The following PRMT3 variants were observed in gnomAD, a reference collection of about 807,000 sequenced individuals.
PRMT3 encodes the protein protein arginine methyltransferase 3, also known as protein arginine N-methyltransferase 3.
PRMT3 carries 62 observed loss-of-function variants against 71.9 expected under a neutral mutation model. The ratio of observed to expected loss-of-function variants is 0.86; its 90% CI spans 0.70 to 1.07. PRMT3 has a LOEUF of 1.07. Ranked by LOEUF, PRMT3 falls within the 50% of genes least tolerant of loss-of-function variation. The probability of loss-of-function intolerance (pLI) is 0.00; values close to 1 mark genes in which losing one functional copy is unlikely to be tolerated. For synonymous variants in PRMT3, 213 were observed against 220.4 expected, an observed-to-expected ratio of 0.97 and a Z score of 0.30; for missense variants, 663 against 643.0, an observed-to-expected ratio of 1.03 and a Z score of -0.34.
At chr11:20,492,437 G>A (rs1278658108) in intron 13 of PRMT3, among the ~76,000 whole-genome samples, 1 of 152,074 alleles carries the variant, frequency 6.6e-6, no homozygotes. Flanking sequence ...ATTATTACTA[G>A]TATTTTGATT....
At chr11:20,403,777 C>A (rs576227852) in intron 8 of PRMT3, among the ~76,000 whole-genome samples, 1 of 152,196 alleles carries the variant, frequency 6.6e-6, no homozygotes, top group Non-Finnish European at 1.5e-5. Flanking sequence ...TTTTCCCACT[C>A]TTTTTACTTT....
intron 10 of PRMT3, among the ~76,000 whole-genome samples, chr11:20,431,703 T>C (rs1050965225): frequency 3.9e-5 from 6 of 152,122 alleles, no homozygotes; most frequent in Non-Finnish European, 8.8e-5. Context: ...AGTATGAAAG[T>C]AAGCTGATGG....
At chr11:20,404,653 G>C (rs1489474091) in intron 8 of PRMT3, among the ~76,000 whole-genome samples, 1 of 152,094 alleles carries the variant, frequency 6.6e-6, no homozygotes, top group African/African-American at 2.4e-5. Context: ...TATATTTCTA[G>C]TTGGATGATG....
chr11:20,426,925 A>T (rs988530610), intron 10 of PRMT3, 60 bp downstream of exon 10: 22 of 1,457,132 alleles, frequency 1.5e-5, no homozygotes, highest in Non-Finnish European at 1.8e-5. Flanking sequence ...TTTTAAAGTA[A>T]TAGTTTTCAT....
chr11:20,428,062 A>G (rs1416267278), intron 10 of PRMT3, among the ~76,000 whole-genome samples: 1 of 152,010 alleles, frequency 6.6e-6, no homozygotes, highest in African/African-American at 2.4e-5. Context: ...GACAGTTACT[A>G]TTTTGTATGT....
intron 9 of PRMT3, among the ~76,000 whole-genome samples, chr11:20,426,345 G>T (rs1849545237): frequency 6.6e-6 from 1 of 152,194 alleles, no homozygotes; most frequent in Admixed American, 6.5e-5. Flanking sequence ...GCTGACAAAT[G>T]CTAGAGAATC....
chr11:20,432,033 G>A (rs1409664649), intron 10 of PRMT3, among the ~76,000 whole-genome samples: 1 of 152,008 alleles, frequency 6.6e-6, no homozygotes, highest in Non-Finnish European at 1.5e-5. Flanking sequence ...GAATAGAAAT[G>A]TAATAGGTCC....
chr11:20,457,919 A>G (rs1014397633), intron 11 of PRMT3, among the ~76,000 whole-genome samples: 3 of 152,310 alleles, frequency 2.0e-5, no homozygotes, highest in African/African-American at 7.2e-5. Context: ...AATTTTTCAA[A>G]GCATATTACA....
chr11:20,402,896 G>A (rs1324183587), intron 7 of PRMT3, 23 bp from the exon 8 acceptor site: 4 of 1,579,302 alleles, frequency 2.5e-6, no homozygotes, highest in South Asian at 2.2e-5. Context: ...TATAAACACA[G>A]CGTTTTCCTC....
chr11:20,496,569 A>G (rs1454647104), intron 15 of PRMT3, among the ~76,000 whole-genome samples: 2 of 144,390 alleles, frequency 1.4e-5, no homozygotes, highest in Non-Finnish European at 3.0e-5. Context: ...GCTCAGATTC[A>G]GCATAGTGGT....
chr11:20,440,503 AAAAAAAAG>A (rs1184287237), intron 10 of PRMT3, among the ~76,000 whole-genome samples: 1 of 144,504 alleles, frequency 6.9e-6, no homozygotes, highest in African/African-American at 2.6e-5. Flanking sequence ...AAAAAAAAAA[AAAAAAAAG>A]AGAAAATAAA....
intron 13 of PRMT3, among the ~76,000 whole-genome samples, chr11:20,491,460 T>C (rs1851204472): frequency 6.6e-6 from 1 of 152,186 alleles, no homozygotes; most frequent in African/African-American, 2.4e-5. Flanking sequence ...TTAAGGATGT[T>C]GATGTTTGTT....
chr11:20,395,949 C>A lies in PRMT3; in HGVS notation c.547C>A (p.Leu183Met), dbSNP rs758280598. ...EAALARARED[L>M]QKMKQFAQDF... ...CGCATTGGCCAGAGCACGTGAGGAT[C>A]TGCAAAAAATGAAGTAATTTATCAA... The change falls in exon 6 of 16, where the codon CTG becomes ATG. Residue 183 changes from leucine to methionine, a missense_variant. Transcript: ENST00000331079. 5 of 1,607,732 alleles carry A rather than the reference C, an allele frequency of 3.1e-6. No individual in the cohort carries two copies. Among genetic ancestry groups the A allele is most frequent in the Admixed American group, 1.7e-5 (1 of 58,148 alleles).
intron 5 of PRMT3, among the ~76,000 whole-genome samples, chr11:20,394,820 G>A (rs552699849): frequency 3.3e-5 from 5 of 152,116 alleles, no homozygotes; most frequent in African/African-American, 1.2e-4. Flanking sequence ...AGATCACACA[G>A]TATTTGTCTG....
chr11:20,418,042 G>T lies in PRMT3; in HGVS notation c.894-8724G>T, dbSNP rs138877136. Among the ~76,000 whole-genome samples the T allele has an allele frequency of 2.6e-4, 39 of 152,178 alleles. No individual in the cohort carries two copies. In the East Asian group the frequency reaches 7.1e-3, roughly 28 times the overall value. Reference sequence around the variant, plus strand: ...GATAATTAATCATGATGATGTCCCTGTATCATGAAGTGAAAGTTAAATTGC... The same window carrying T: ...GATAATTAATCATGATGATGTCCCTTTATCATGAAGTGAAAGTTAAATTGC... On this transcript the variant is annotated intron_variant, in intron 9 of 15. Transcript: ENST00000331079.
rs538780552 is a variant in PRMT3 at position 20,399,390 on chromosome 11, T to C, written c.705+1669T>C. ...CATTACTAATTGCATGTCATGGTTG[T>C]GCTTTTTGTTGTCACGTAGGTAATG... On this transcript the variant is annotated intron_variant, in intron 7 of 15. Transcript: ENST00000331079. Among the ~76,000 whole-genome samples the C allele has an allele frequency of 1.5e-3, 234 of 152,320 alleles. 1 individual carries two copies. The highest frequency in any genetic ancestry group is 5.4e-3 in the African/African-American group (225 of 41,596).
chr11:20,404,237 T>TGTTTTGTTTTGTTTG (rs1849020847), intron 8 of PRMT3, among the ~76,000 whole-genome samples: 1 of 117,076 alleles, frequency 8.5e-6, no homozygotes, highest in Non-Finnish European at 1.8e-5. Context: ...TTTTTTTTTT[T>TGTTTTGTTTTGTTTG]TTTTTTTTTT....
At position 20,508,612 on chromosome 11, in the gene PRMT3, T is replaced by C. The variant is rs918345205; in HGVS notation, c.*199T>C. Reference sequence around the variant, plus strand: ...AGAGAATCAGCTGATCCTCATGGTCTGCCACGTAATCATTTTCTTAGACGT... The same window carrying C: ...AGAGAATCAGCTGATCCTCATGGTCCGCCACGTAATCATTTTCTTAGACGT... On this transcript the variant is annotated 3_prime_UTR_variant, in exon 16 of 16. Transcript: ENST00000331079. The C allele has an allele frequency of 1.5e-6, 1 of 679,048 alleles. No individual in the cohort carries two copies. The highest frequency in any genetic ancestry group is 2.7e-6 in the Non-Finnish European group (1 of 369,610). The allele number at this position is 679,048 out of a possible 1,614,324, so 42.1% of individuals were successfully genotyped here. A position where few individuals can be genotyped will look rare whatever the true frequency, so the allele number is the denominator to read the frequency against.
intron 11 of PRMT3, among the ~76,000 whole-genome samples, chr11:20,452,697 A>C (rs1437056097): frequency 6.6e-6 from 1 of 152,200 alleles, no homozygotes; most frequent in Non-Finnish European, 1.5e-5. Context: ...TAACCAATCC[A>C]CATATAAAGG....
Sources: allele counts gnomAD v4.1 joint callset (sites outside exome capture counted in the v4.1 genomes callset), GRCh38; gene constraint gnomAD v4.1.1; transcripts MANE v1.5; gene names NCBI Gene and HGNC (gene_info 2026-07-23, HGNC 2026-07-21).